LDHA: variants seen among roughly 807,000 people sequenced by gnomAD.
LDHA encodes the protein lactate dehydrogenase A.
Under a neutral mutation model 36.3 loss-of-function variants are expected in LDHA, and 10 were observed. The observed-to-expected ratio is 0.28, with a 90% CI of 0.17 to 0.47. LDHA has a LOEUF of 0.47. LDHA is among the 20% of genes least tolerant of loss of function. The pLI is 0.99. For synonymous variants in LDHA, 110 were observed against 136.7 expected (o/e 0.80, Z 1.36); for missense variants, 267 against 405.8 (o/e 0.66, Z 2.94).
chr11:18,401,274 C>G (rs1316671125), intron 4 of LDHA, among the ~76,000 whole-genome samples: 1 of 150,194 alleles, frequency 6.7e-6, no homozygotes, highest in Non-Finnish European at 1.5e-5. Flanking sequence ...CTCAGCCTCT[C>G]AAGTAGCTGG....
chr11:18,396,934 T>G lies in LDHA; in HGVS notation c.92T>G (p.Val31Gly). 1 of 1,614,160 alleles carries G rather than the reference T, an allele frequency of 6.2e-7. No individual in the cohort carries two copies. Among genetic ancestry groups the G allele is most frequent in the Non-Finnish European group, 8.5e-7 (1 of 1,180,010 alleles). The change falls in exon 2 of 8, where the codon GTT becomes GGT. Residue 31 changes from valine to glycine, a missense_variant. By Grantham distance (109) the Val-to-Gly change is moderately radical. Transcript: ENST00000422447. ...ATTACAGTTGTTGGGGTTGGTGCTG[T>G]TGGCATGGCCTGTGCCATCAGTATC... The part of the protein sequence containing the change: ...NKITVVGVGA[V>G]GMACAISILM...
In LDHA at chr11:18,407,089, G is replaced by A. The variant is rs770634427; in HGVS notation, c.835-28G>A. The A allele has an allele frequency of 7.0e-6, 9 of 1,291,680 alleles. No individual in the cohort carries two copies. The African/African-American group carries it at 2.3e-4, about 33-fold the overall frequency. The allele number at this position is 1,291,680 out of a possible 1,614,324, so 80.0% of individuals were successfully genotyped here. A position where few individuals can be genotyped will look rare whatever the true frequency, so the allele number is the denominator to read the frequency against. On this transcript the variant is annotated intron_variant, in intron 7 of 7. Coordinates refer to ENST00000422447, the MANE Select transcript of LDHA (RefSeq NM_005566.4). ...CTGGGAATGCATAGACAAAATGTGA[G>A]ATTTTTTTTTTTTCATTTCATCTTC...
chr11:18,401,768 T>A (rs1316991500), intron 4 of LDHA, among the ~76,000 whole-genome samples: 1 of 151,820 alleles, frequency 6.6e-6, no homozygotes, highest in East Asian at 1.9e-4. Context: ...TGAGCCACCG[T>A]GCCTGGTGAT....
At chr11:18,396,752 A>C in intron 1 of LDHA, 67 bp from the exon 2 acceptor site, 1 of 1,461,906 alleles carries the variant, frequency 6.8e-7, no homozygotes, top group Non-Finnish European at 9.2e-7. Context: ...AAAATAGCTT[A>C]AAAAAATCTC....
At chr11:18,397,006 G>C (rs376156863) in intron 2 of LDHA, 38 bp downstream of exon 2, 1 of 1,598,284 alleles carries the variant, frequency 6.3e-7, no homozygotes, top group South Asian at 1.1e-5. Context: ...CCCATACCTT[G>C]ACCCCATCCT....
chr11:18,407,224 C>G lies in LDHA; in HGVS notation c.942C>G (p.Ala314=), dbSNP rs1314357532. Residue 314 remains alanine, a synonymous_variant, in exon 8 of 8, where the codon GCC becomes GCG. Coordinates refer to ENST00000422447, the MANE Select transcript of LDHA (RefSeq NM_005566.4). ...VKVTLTSEEE[A]RLKKSADTLW... is the part of the protein sequence containing the mutation. The stretch of plus-strand genomic sequence containing the variant: ...TGACTCTGACTTCTGAGGAAGAGGC[C>G]CGTTTGAAGAAGAGTGCAGATACAC... The G allele has an allele frequency of 6.2e-7, 1 of 1,613,196 alleles. No individual in the cohort carries two copies. The highest frequency in any genetic ancestry group is 8.5e-7 in the Non-Finnish European group (1 of 1,179,798).
chr11:18,396,190 C>T (rs1360299907), intron 1 of LDHA: 1 of 224,094 alleles, frequency 4.5e-6, no homozygotes, highest in Non-Finnish European at 8.6e-6. Context: ...GGCCGCTAGA[C>T]TAATCGGCTT....
intron 3 of LDHA, 106 bp downstream of exon 3, chr11:18,399,654 T>G: frequency 1.2e-6 from 1 of 842,598 alleles, no homozygotes; most frequent in Non-Finnish European, 2.1e-6. Flanking sequence ...CAATTATGGC[T>G]CACCACAGCC....
At chr11:18,402,628 G>T (rs1473734620) in intron 4 of LDHA, 1 of 521,262 alleles carries the variant, frequency 1.9e-6, no homozygotes, top group Admixed American at 3.1e-5. Flanking sequence ...TAATGGACTT[G>T]ATATACATAG....
At chr11:18,401,244 G>A (rs931466365) in intron 4 of LDHA, among the ~76,000 whole-genome samples, 2 of 150,280 alleles carry the variant, frequency 1.3e-5, no homozygotes, top group African/African-American at 4.9e-5. Flanking sequence ...CTGCCTCATG[G>A]GTTCAAGCGA....
At chr11:18,401,521 T>C (rs1222316988) in intron 4 of LDHA, among the ~76,000 whole-genome samples, 1 of 123,110 alleles carries the variant, frequency 8.1e-6, no homozygotes, top group Non-Finnish European at 1.6e-5. Flanking sequence ...TCTGTCACCC[T>C]GGCTGGAGTA....
At chr11:18,396,589 G>C (rs956282910) in intron 1 of LDHA, 24 of 1,380,932 alleles carry the variant, frequency 1.7e-5, no homozygotes, top group Non-Finnish European at 2.0e-5. Flanking sequence ...CCCAAACGTC[G>C]ATATTCCTTT....
chr11:18,396,278 T>A (rs1866296832), intron 1 of LDHA: 1 of 360,402 alleles, frequency 2.8e-6, no homozygotes, highest in Admixed American at 4.6e-5. Flanking sequence ...GGGCGGGGCG[T>A]AAAAGCCGGG....
intron 4 of LDHA, among the ~76,000 whole-genome samples, chr11:18,401,955 C>CTTTTTT (rs1554961218): frequency 1.9e-4 from 10 of 52,264 alleles, no homozygotes; most frequent in African/African-American, 2.4e-4. Context: ...TTGTTATTCT[C>CTTTTTT]TTTTTTTTTT....
intron 6 of LDHA, among the ~76,000 whole-genome samples, chr11:18,404,184 G>A (rs889769471): frequency 7.9e-5 from 12 of 152,104 alleles, no homozygotes; most frequent in African/African-American, 2.9e-4. Flanking sequence ...CCAGGCCCTA[G>A]GATCACTTGA....
chr11:18,395,813 G>A (rs920388594), intron 1 of LDHA, among the ~76,000 whole-genome samples: 1 of 152,316 alleles, frequency 6.6e-6, no homozygotes. Context: ...CAGGCCTCAG[G>A]CCTTCTGCAG....
intron 1 of LDHA, chr11:18,395,115 G>C (rs1245082721): frequency 1.7e-5 from 3 of 179,670 alleles, no homozygotes; most frequent in African/African-American, 7.2e-5. Flanking sequence ...CTCTTGGGAC[G>C]CTCGAGAGGT....
intron 4 of LDHA, 113 bp downstream of exon 4, chr11:18,401,123 A>T (rs535478266): frequency 9.0e-6 from 4 of 442,094 alleles, no homozygotes; most frequent in African/African-American, 8.5e-5. Flanking sequence ...ATACATTTTT[A>T]AAAATATTTT....
chr11:18,405,688 A>C, intron 7 of LDHA, 116 bp downstream of exon 7: 1 of 1,178,800 alleles, frequency 8.5e-7, no homozygotes. Context: ...GAAATAAATT[A>C]ATGTACCCAC....
Sources: allele counts gnomAD v4.1 joint callset (sites outside exome capture counted in the v4.1 genomes callset), GRCh38; gene constraint gnomAD v4.1.1; transcripts MANE v1.5; gene names NCBI Gene and HGNC (gene_info 2026-07-23, HGNC 2026-07-21).